The following DYTN variants were observed in gnomAD, a reference collection of about 807,000 sequenced individuals.
DYTN encodes dystrotelin.
In DYTN, 75 loss-of-function variants were observed where a neutral mutation model predicts 69.6. That is an observed-to-expected ratio of 1.08 (90% CI 0.89 to 1.31). The LOEUF is 1.31. DYTN is among the 50% of genes most tolerant of loss of function. DYTN has a pLI of 0.00. For synonymous variants in DYTN, 252 were observed against 249.1 expected, an observed-to-expected ratio of 1.01 and a Z score of -0.11; for missense variants, 726 against 688.4, an observed-to-expected ratio of 1.05 and a Z score of -0.61.
intron 1 of DYTN, among the ~76,000 whole-genome samples, chr2:206,716,756 T>A (rs1700133992): frequency 6.6e-6 from 1 of 152,088 alleles, no homozygotes; most frequent in African/African-American, 2.4e-5. Context: ...GTTTGTGCCC[T>A]GGTTCCTCTC....
chr2:206,663,493 A>C, intron 10 of DYTN, 98 bp from the exon 11 acceptor site: 2 of 1,305,944 alleles, frequency 1.5e-6, no homozygotes, highest in Non-Finnish European at 2.0e-6. Flanking sequence ...ATTCTAATGC[A>C]AGACTTTTCT....
chr2:206,666,214 G>C (rs765274472), intron 9 of DYTN, among the ~76,000 whole-genome samples, 185 bp from the exon 10 acceptor site: 2 of 152,096 alleles, frequency 1.3e-5, no homozygotes, highest in Admixed American at 1.3e-4. Flanking sequence ...GCAGTGGCGC[G>C]ATCTTGGTTC....
rs373008075 is a variant in DYTN at position 206,705,744 on chromosome 2, G to A, written c.382+44C>T. On this transcript the variant is annotated intron_variant, in intron 4 of 11. Transcript: ENST00000452335. ...TATAGGATAACAGGTTGGGGATTTG[G>A]GGCTCACTGCACTTTAGGACACCCG... 5.2e-5 allele frequency: 82 copies of A among 1,582,484 alleles called. No individual in the cohort carries two copies. The African/African-American group carries it at 9.1e-4, about 18-fold the overall frequency.
At chr2:206,654,864 C>T (rs1456712416) in intron 11 of DYTN, among the ~76,000 whole-genome samples, 2 of 152,188 alleles carry the variant, frequency 1.3e-5, no homozygotes, top group African/African-American at 4.8e-5. Flanking sequence ...GAATAAACCT[C>T]CTGCTCCCCA....
intron 1 of DYTN, among the ~76,000 whole-genome samples, chr2:206,717,062 A>G (rs1007350995): frequency 1.6e-4 from 24 of 151,878 alleles, no homozygotes; most frequent in Middle Eastern, 3.4e-3. Context: ...ACACACACAC[A>G]CACACACACA....
chr2:206,683,524 A>T (rs1328241031), intron 9 of DYTN, among the ~76,000 whole-genome samples: 1 of 151,502 alleles, frequency 6.6e-6, no homozygotes, highest in African/African-American at 2.4e-5. Flanking sequence ...TTGTATTGTT[A>T]GTAGAGACAG....
At chr2:206,706,738 G>A (rs1453508804) in intron 3 of DYTN, among the ~76,000 whole-genome samples, 1 of 151,956 alleles carries the variant, frequency 6.6e-6, no homozygotes, top group Non-Finnish European at 1.5e-5. Context: ...ATCGAGGAGG[G>A]GGCAGAGGAA....
At chr2:206,707,043 T>G (rs1700034213) in intron 3 of DYTN, among the ~76,000 whole-genome samples, 1 of 152,092 alleles carries the variant, frequency 6.6e-6, no homozygotes, top group African/African-American at 2.4e-5. Flanking sequence ...TTCTCTAGAG[T>G]AGGAGTGAAT....
chr2:206,713,721 C>T (rs879357686), intron 1 of DYTN, among the ~76,000 whole-genome samples: 4 of 152,134 alleles, frequency 2.6e-5, no homozygotes, highest in Admixed American at 6.5e-5. Flanking sequence ...CTAGTGTTTC[C>T]GGTGATAACA....
intron 1 of DYTN, among the ~76,000 whole-genome samples, chr2:206,717,497 G>A (rs1014218302): frequency 6.6e-6 from 1 of 152,212 alleles, no homozygotes; most frequent in Non-Finnish European, 1.5e-5. Flanking sequence ...TCTGATGCAT[G>A]CTAATTTTGA....
chr2:206,688,836 T>C lies in DYTN; in HGVS notation c.980+4339A>G, dbSNP rs182717573. Among the ~76,000 whole-genome samples the C allele has an allele frequency of 1.6e-4, 24 of 152,278 alleles. No homozygotes were observed. The East Asian group carries it at 4.4e-3, about 28-fold the overall frequency. On this transcript the variant is annotated intron_variant, in intron 9 of 11. Coordinates refer to ENST00000452335, the MANE Select transcript of DYTN (RefSeq NM_001093730.1). ...GGGTCTTGTATCTTTTTTGTTAAAC[T>C]TTTTTGTAGTTTCTTTTAAAAATAA...
chr2:206,663,250 G>T lies in DYTN; in HGVS notation c.1286C>A (p.Pro429His), dbSNP rs775527442. ...NATEDASTGEPLPKLDEVDRS... is the reference protein window; with the variant it reads ...NATEDASTGEHLPKLDEVDRS... ...GTCAACCTCATCAAGCTTAGGAAGA[G>T]GTTCCCCTGTTGAAGCATCTTCAGT... Residue 429 changes from proline to histidine, a missense_variant, in exon 11 of 12, where the codon CCT (proline) becomes CAT (histidine). By Grantham distance (77) the Pro-to-His change is moderately conservative. Transcript: ENST00000452335. The T allele has an allele frequency of 2.5e-6, 4 of 1,613,794 alleles. No homozygotes were observed. The African/African-American group carries it at 5.3e-5, about 22-fold the overall frequency.
At chr2:206,706,884 T>C (rs1039789444) in intron 3 of DYTN, among the ~76,000 whole-genome samples, 2 of 147,334 alleles carry the variant, frequency 1.4e-5, no homozygotes, top group African/African-American at 5.1e-5. Context: ...CACAGGATTT[T>C]CAACCTTATT....
chr2:206,653,359 T>C (rs1343641061), intron 11 of DYTN, among the ~76,000 whole-genome samples: 1 of 152,222 alleles, frequency 6.6e-6, no homozygotes, highest in African/African-American at 2.4e-5. Flanking sequence ...ACACCTAGCA[T>C]GTTGCTTGGC....
intron 9 of DYTN, among the ~76,000 whole-genome samples, chr2:206,673,148 A>G (rs1444671194): frequency 6.6e-6 from 1 of 152,134 alleles, no homozygotes; most frequent in Non-Finnish European, 1.5e-5. Context: ...TGTTCTCATC[A>G]TTTAGCTCCC....
chr2:206,656,880 A>G (rs1482336864), intron 11 of DYTN, among the ~76,000 whole-genome samples: 1 of 151,328 alleles, frequency 6.6e-6, no homozygotes, highest in Non-Finnish European at 1.5e-5. Flanking sequence ...CTCCTGCCTC[A>G]GCCTCCTAAG....
chr2:206,677,497 CA>C (rs1371652559), intron 9 of DYTN, among the ~76,000 whole-genome samples: 3 of 151,576 alleles, frequency 2.0e-5, no homozygotes, highest in Non-Finnish European at 4.4e-5. Flanking sequence ...AGGATTTATT[CA>C]AAAAAAGGAA....
At chr2:206,681,544 T>A (rs901958206) in intron 9 of DYTN, among the ~76,000 whole-genome samples, 1 of 152,196 alleles carries the variant, frequency 6.6e-6, no homozygotes, top group Non-Finnish European at 1.5e-5. Flanking sequence ...TTGAGATACG[T>A]TCCATCAATA....
At chr2:206,668,971 T>G (rs1699603559) in intron 9 of DYTN, among the ~76,000 whole-genome samples, 1 of 152,226 alleles carries the variant, frequency 6.6e-6, no homozygotes, top group African/African-American at 2.4e-5. Context: ...GTAAGTTTCC[T>G]GAGGCCTCCC....
Sources: gnomAD v4.1 joint callset for allele counts (sites outside exome capture counted in the v4.1 genomes callset) on GRCh38, gnomAD v4.1.1 for gene constraint, MANE v1.5 for transcripts, NCBI Gene and HGNC (gene_info 2026-07-23, HGNC 2026-07-21) for gene names.